Variants in KIF2C observed in about 807,000 individuals in gnomAD.
KIF2C encodes kinesin-like protein KIF2C.
A neutral mutation model predicts 97.4 loss-of-function variants in KIF2C; 34 were observed. The observed-to-expected ratio is 0.35, with a 90% CI of 0.27 to 0.46. The LOEUF is 0.46. Among genes scored for constraint, KIF2C ranks in the 20% least tolerant of loss-of-function variants. KIF2C has a pLI of 1.00. For synonymous variants in KIF2C, 313 were observed against 318.2 expected (o/e 0.98, Z 0.17); for missense variants, 750 against 907.6 (o/e 0.83, Z 2.23).
rs746431484 is a variant in KIF2C, at chr1:44,761,988, T to C, written c.1751+5T>C. 1.9e-6 allele frequency: 3 copies of C among 1,612,618 alleles called. No individual in the cohort carries two copies. In the Admixed American group the frequency reaches 5.0e-5, roughly 27 times the overall value. On this transcript the variant is annotated splice_donor_5th_base_variant and intron_variant, in intron 17 of 20. Transcript: ENST00000372224. ...CACCCTGAGATATGCAGACAGGTAC[T>C]AGTACCTACAGCTAGGTGGGATGCG...
rs1335811917 is a variant in KIF2C, at chr1:44,762,379, T to C, written c.1785T>C (p.Ser595=). The change falls in exon 18 of 21, where the codon AGT becomes AGC. Residue 595 remains serine (S), a synonymous_variant. Coordinates refer to ENST00000372224, the MANE Select transcript of KIF2C (RefSeq NM_006845.4). ...VKELSPHSGP[S]GEQLIQMETE... The stretch of plus-strand genomic sequence containing the variant: ...AGCTGAGCCCCCACAGTGGGCCCAG[T>C]GGAGAGCAGTTGATTCAAATGGAAA... 1.9e-6 allele frequency: 3 copies of C among 1,613,944 alleles called. No individual in the cohort carries two copies. The Admixed American group carries it at 5.0e-5, about 27-fold the overall frequency.
Position 44,755,918 on chromosome 1 carries a change from TC to T in KIF2C, c.760-9del. ...CTTTGCTGTTGGTTGCCTCCTCTCATCCGCTTGCAGATCGAAGAGCACAGAA... is the reference window on the plus strand; with the variant it reads ...CTTTGCTGTTGGTTGCCTCCTCTCATCGCTTGCAGATCGAAGAGCACAGAA... On this transcript the variant is annotated splice_polypyrimidine_tract_variant and intron_variant, in intron 8 of 20. Transcript: ENST00000372224. The T allele has an allele frequency of 6.2e-7, 1 of 1,613,468 alleles. No homozygotes were observed. Among genetic ancestry groups the T allele is most frequent in the Non-Finnish European group, 8.5e-7 (1 of 1,179,898 alleles).
At chr1:44,740,761 A>C in intron 1 of KIF2C, 152 bp from the exon 2 acceptor site, 1 of 540,730 alleles carries the variant, frequency 1.8e-6, no homozygotes, top group Non-Finnish European at 3.2e-6. Flanking sequence ...AGCCCAGGAG[A>C]TTTATTTGTT....
chr1:44,752,561 G>A (rs964735646), intron 5 of KIF2C, among the ~76,000 whole-genome samples: 5 of 152,190 alleles, frequency 3.3e-5, no homozygotes, highest in Middle Eastern at 3.2e-3. Context: ...GATGCAAATT[G>A]TGTAAGACAC....
chr1:44,763,324 G>C (rs938745561), intron 19 of KIF2C, among the ~76,000 whole-genome samples: 3 of 152,204 alleles, frequency 2.0e-5, no homozygotes, highest in African/African-American at 7.2e-5. Context: ...GAGGATTGCA[G>C]AGCAGGAAGG....
chr1:44,753,770 A>G lies in KIF2C; in HGVS notation c.600A>G (p.Lys200=), dbSNP rs781705994. 2 of 1,612,008 alleles carry G rather than the reference A, an allele frequency of 1.2e-6. No homozygotes were observed. The highest frequency in any genetic ancestry group is 8.5e-7 in the Non-Finnish European group (1 of 1,179,272). ...CATGTCTTGTGAAGGAAGTGGAAAA[A>G]ATGAAGAACAAGCGAGAAGAGAAGA... ...RKSCLVKEVE[K]MKNKREEKKA... Residue 200 remains lysine (K), a synonymous_variant, in exon 7 of 21, where the codon AAA becomes AAG. Coordinates refer to ENST00000372224, the MANE Select transcript of KIF2C (RefSeq NM_006845.4).
Position 44,747,462 on chromosome 1 carries a change from T to C in KIF2C, c.244T>C (p.Leu82=), listed in dbSNP as rs765807068. The C allele has an allele frequency of 6.2e-7, 1 of 1,608,748 alleles. No homozygotes were observed. Among genetic ancestry groups the C allele is most frequent in the South Asian group, 1.1e-5 (1 of 89,248 alleles). The part of the protein sequence containing the change: ...LPLHPKDNLP[L]QENVTIQKQK... Reference sequence around the variant, plus strand: ...CTTACATCCGAAGGACAATCTGCCCTTGCAGGAAAATGTAACAATCCAGGT... The same window carrying C: ...CTTACATCCGAAGGACAATCTGCCCCTGCAGGAAAATGTAACAATCCAGGT... The change falls in exon 3 of 21, where the codon TTG becomes CTG. Residue 82 remains leucine (L), a synonymous_variant. Transcript: ENST00000372224.
rs1163672433 is a variant in KIF2C at position 44,762,412 on chromosome 1, G to A, written c.1818G>A (p.Glu606=). ...GEQLIQMETE[E]MEACSNGALI... ...AGTTGATTCAAATGGAAACAGAAGAGATGGAAGCCTGCTCTAACGGGGCGC... is the reference window on the plus strand; with the variant it reads ...AGTTGATTCAAATGGAAACAGAAGAAATGGAAGCCTGCTCTAACGGGGCGC... The change falls in exon 18 of 21, where the codon GAG becomes GAA. Residue 606 remains glutamate, a synonymous_variant. Coordinates refer to ENST00000372224, the MANE Select transcript of KIF2C (RefSeq NM_006845.4). The A allele has an allele frequency of 6.2e-7, 1 of 1,614,192 alleles. No individual in the cohort carries two copies. The highest frequency in any genetic ancestry group is 8.5e-7 in the Non-Finnish European group (1 of 1,180,036).
intron 4 of KIF2C, among the ~76,000 whole-genome samples, chr1:44,749,985 G>A (rs564007678): frequency 6.7e-4 from 101 of 150,452 alleles, no homozygotes; most frequent in African/African-American, 2.3e-3. Context: ...GGGAGGCTGA[G>A]GCAGGAGAAT....
At chr1:44,753,996 C>T (rs2148827373) in intron 7 of KIF2C, among the ~76,000 whole-genome samples, 163 bp downstream of exon 7, 1 of 102,280 alleles carries the variant, frequency 9.8e-6, no homozygotes, top group East Asian at 2.8e-4. Flanking sequence ...GCTCTGTTGC[C>T]CTGGCTGGAG....
At chr1:44,747,323 G>GA in intron 2 of KIF2C, 61 bp from the exon 3 acceptor site, 5 of 1,129,252 alleles carry the variant, frequency 4.4e-6, no homozygotes, top group Admixed American at 2.5e-5. Flanking sequence ...AAAAAAAAAA[G>GA]AAAAAATGTA....
intron 8 of KIF2C, 111 bp from the exon 9 acceptor site, chr1:44,755,818 C>A: frequency 1.1e-6 from 1 of 929,624 alleles, no homozygotes; most frequent in Non-Finnish European, 1.7e-6. Context: ...TAGATCTTGG[C>A]CTCTGACTGG....
chr1:44,756,206 G>T lies in KIF2C; in HGVS notation c.946G>T (p.Asp316Tyr), dbSNP rs1342268908. The T allele has an allele frequency of 6.2e-7, 1 of 1,614,198 alleles. No homozygotes were observed. Among genetic ancestry groups the T allele is most frequent in the Non-Finnish European group, 8.5e-7 (1 of 1,180,032 alleles). Residue 316 changes from aspartate to tyrosine, a missense_variant, in exon 10 of 21, where the codon GAT (aspartate) becomes TAT (tyrosine). Coordinates refer to ENST00000372224, the MANE Select transcript of KIF2C (RefSeq NM_006845.4). ...AGCATTCTGCTTTGACTTTGCATTT[G>T]ATGAAACAGCTTCGAATGAAGTTGT... ...NQAFCFDFAFDETASNEVVYR... is the reference protein window; with the variant it reads ...NQAFCFDFAFYETASNEVVYR...
Position 44,747,734 on chromosome 1 carries a change from ATT to A in KIF2C, c.316+36_316+37del, listed in dbSNP as rs754962969. 1.2e-5 allele frequency: 19 copies of A among 1,590,150 alleles called. 1 individual carries two copies. The South Asian group carries it at 2.0e-4, about 17-fold the overall frequency. ...ATTTCTACTAGCTTACTATCATGGA[ATT>A]TGTGTCAGGAATTATGTTTCTAGGA... On this transcript the variant is annotated intron_variant, in intron 4 of 20. Transcript: ENST00000372224.
At position 44,759,326 on chromosome 1, in the gene KIF2C, A is replaced by T; in HGVS notation, c.1345A>T (p.Ile449Phe). 6.2e-7 allele frequency: 1 copy of T among 1,613,984 alleles called. No individual in the cohort carries two copies. Among genetic ancestry groups the T allele is most frequent in the South Asian group, 1.1e-5 (1 of 91,074 alleles). Residue 449 changes from isoleucine to phenylalanine, a missense_variant, in exon 14 of 21, where the codon ATC (isoleucine) becomes TTC (phenylalanine). Transcript: ENST00000372224. ...VNSADDVIKM[I>F]DMGSACRTSG... ...CTCTGCTGATGATGTCATCAAGATG[A>T]TCGACATGGGCAGCGCCTGCAGGTG... is the stretch of plus-strand genomic sequence containing the variant.
Position 44,746,841 on chromosome 1 carries a change from A to C in KIF2C, c.166-543A>C, listed in dbSNP as rs1015642501. 6 of 1,338,202 alleles carry C rather than the reference A, an allele frequency of 4.5e-6. No homozygotes were observed. The Admixed American group carries it at 1.3e-4, about 29-fold the overall frequency. 82.9% of individuals were successfully genotyped at this position (1,338,202 alleles called of 1,614,324 possible). ...CTTAAAGTTGGTAAAGTTTGAATTT[A>C]GGGGTACCCCTGTCTATAGAAATTT... On this transcript the variant is annotated intron_variant, in intron 2 of 20. Transcript: ENST00000372224.
chr1:44,741,108 T>A, intron 2 of KIF2C, 101 bp downstream of exon 2: 1 of 867,728 alleles, frequency 1.2e-6, no homozygotes, highest in Non-Finnish European at 1.8e-6. Context: ...GATGCTGTGC[T>A]CTTCTCACTC....
At chr1:44,754,161 T>C (rs1573564119) in intron 7 of KIF2C, among the ~76,000 whole-genome samples, 1 of 152,048 alleles carries the variant, frequency 6.6e-6, no homozygotes, top group African/African-American at 2.4e-5. Flanking sequence ...CCCAGGCTGG[T>C]CTGGAATGCT....
intron 4 of KIF2C, 126 bp downstream of exon 4, chr1:44,747,826 C>T (rs1455050084): frequency 2.7e-6 from 2 of 745,184 alleles, no homozygotes; most frequent in Non-Finnish European, 4.5e-6. Context: ...TGCCTGTGTT[C>T]CAAGCATCTT....
Sources: gnomAD v4.1 joint callset for allele counts (sites outside exome capture counted in the v4.1 genomes callset) on GRCh38, gnomAD v4.1.1 for gene constraint, MANE v1.5 for transcripts, NCBI Gene and HGNC (gene_info 2026-07-23, HGNC 2026-07-21) for gene names.